The following NAP1L1 variants were observed in gnomAD, a reference collection of about 807,000 sequenced individuals.
NAP1L1 encodes the protein nucleosome assembly protein 1 like 1.
Under a neutral mutation model 58.9 loss-of-function variants are expected in NAP1L1, and 9 were observed. The ratio of observed to expected loss-of-function variants is 0.15; its 90% CI spans 0.09 to 0.27. NAP1L1 has a LOEUF of 0.27. Among genes scored for constraint, NAP1L1 ranks in the 10% least tolerant of loss-of-function variants. NAP1L1 has a pLI of 1.00. For synonymous variants in NAP1L1, 130 were observed against 138.3 expected, an observed-to-expected ratio of 0.94 and a Z score of 0.42; for missense variants, 302 against 458.8, an observed-to-expected ratio of 0.66 and a Z score of 3.12.
chr12:76,060,096 C>T, intron 5 of NAP1L1, 42 bp downstream of exon 5: 1 of 1,579,830 alleles, frequency 6.3e-7, no homozygotes, highest in Non-Finnish European at 8.6e-7. Flanking sequence ...TAGAATTCGT[C>T]TTCTAGAATG....
chr12:76,052,989 A>G, intron 11 of NAP1L1, 102 bp downstream of exon 11: 1 of 1,139,370 alleles, frequency 8.8e-7, no homozygotes, highest in South Asian at 1.5e-5. Context: ...TGTAGGCCTC[A>G]GAACTCAATG....
Position 76,053,268 on chromosome 12 carries a change from C to A in NAP1L1, c.853G>T (p.Val285Phe). The A allele has an allele frequency of 6.2e-7, 1 of 1,614,036 alleles. No individual in the cohort carries two copies. The highest frequency in any genetic ancestry group is 8.5e-7 in the Non-Finnish European group (1 of 1,179,944). ...GAAACTGTTTTAGTCACAGTACGAA[C>A]TGTCCCACGTCCCTTGTGTTTCTGC... ...KKQKHKGRGT[V>F]RTVTKTVSND... Residue 285 changes from valine (V) to phenylalanine (F), a missense_variant, in exon 10 of 15, where the codon GTT becomes TTT. By Grantham distance (50) the Val-to-Phe change is conservative. Coordinates refer to ENST00000618691, the MANE Select transcript of NAP1L1 (RefSeq NM_004537.7).
At chr12:76,073,451 C>G (rs1219514847) in intron 2 of NAP1L1, among the ~76,000 whole-genome samples, 1 of 152,108 alleles carries the variant, frequency 6.6e-6, no homozygotes, top group East Asian at 1.9e-4. Flanking sequence ...TTGATTAAAC[C>G]TATACTTCCC....
At position 76,046,131 on chromosome 12, in the gene NAP1L1, A is replaced by G. The variant is rs1565708594; in HGVS notation, c.*2298T>C. On this transcript the variant is annotated 3_prime_UTR_variant, in exon 15 of 15. Coordinates refer to ENST00000618691, the MANE Select transcript of NAP1L1 (RefSeq NM_004537.7). ...TCTCCACTCTTCAAAAAAAAAGTAT[A>G]TACATTCATTTAAAAAAAAACACCC... 6.6e-6 allele frequency: 1 copy of G among 151,966 alleles called. No homozygotes were observed. Among genetic ancestry groups the G allele is most frequent in the Non-Finnish European group, 1.5e-5 (1 of 67,888 alleles). 9.4% of individuals were successfully genotyped at this position (151,966 alleles called of 1,614,324 possible). A position where few individuals can be genotyped will look rare whatever the true frequency, so the allele number is the denominator to read the frequency against.
rs150017012 is a variant in NAP1L1 at position 76,049,934 on chromosome 12, G to A, written c.1060-149C>T. 81 of 765,672 alleles carry A rather than the reference G, an allele frequency of 1.1e-4. No individual in the cohort carries two copies. The African/African-American group carries it at 1.3e-3, about 12-fold the overall frequency. 47.4% of individuals were successfully genotyped at this position (765,672 alleles called of 1,614,324 possible). On this transcript the variant is annotated intron_variant, in intron 12 of 14. Coordinates refer to ENST00000618691, the MANE Select transcript of NAP1L1 (RefSeq NM_004537.7). ...GGCTGATTATAAATTAAAACACATA[G>A]TAGCTGCAAGAATCACTCTGCTCAC... is the stretch of plus-strand genomic sequence containing the variant.
intron 1 of NAP1L1, among the ~76,000 whole-genome samples, chr12:76,081,513 G>C (rs1695378535): frequency 6.6e-6 from 1 of 152,126 alleles, no homozygotes; most frequent in Admixed American, 6.5e-5. Flanking sequence ...AGGCAAAATC[G>C]CTTGAGGTGA....
chr12:76,053,439 A>C (rs935491052), intron 9 of NAP1L1, 89 bp from the exon 10 acceptor site: 14 of 1,435,746 alleles, frequency 9.8e-6, no homozygotes, highest in Non-Finnish European at 1.1e-5. Context: ...TAGATTTCAA[A>C]TTTTAGAAGG....
In NAP1L1 at chr12:76,048,167, A is replaced by C; in HGVS notation, c.*262T>G. On this transcript the variant is annotated 3_prime_UTR_variant, in exon 15 of 15. Transcript: ENST00000618691. ...TTCATAGCTGTACTCCAAGAGCTAC[A>C]TAAAAATATTCCAGAAGAACCAAAT... 4.6e-6 allele frequency: 2 copies of C among 433,998 alleles called. No individual in the cohort carries two copies. Among genetic ancestry groups the C allele is most frequent in the East Asian group, 3.5e-5 (1 of 28,712 alleles). 26.9% of individuals were successfully genotyped at this position (433,998 alleles called of 1,614,324 possible). A position where few individuals can be genotyped will look rare whatever the true frequency, so the allele number is the denominator to read the frequency against.
At chr12:76,062,630 A>T (rs1488063336) in intron 4 of NAP1L1, among the ~76,000 whole-genome samples, 1 of 152,236 alleles carries the variant, frequency 6.6e-6, no homozygotes, top group African/African-American at 2.4e-5. Flanking sequence ...ATAGGCAACA[A>T]ATAAGAGAAA....
At chr12:76,065,116 T>C (rs1949602315) in intron 4 of NAP1L1, among the ~76,000 whole-genome samples, 1 of 152,102 alleles carries the variant, frequency 6.6e-6, no homozygotes, top group South Asian at 2.1e-4. Flanking sequence ...TAACACATCA[T>C]GATTCAATTT....
At chr12:76,079,342 A>C (rs1190364609) in intron 1 of NAP1L1, among the ~76,000 whole-genome samples, 1 of 152,146 alleles carries the variant, frequency 6.6e-6, no homozygotes, top group Non-Finnish European at 1.5e-5. Context: ...CCTGGGCAAC[A>C]CAGATCATCT....
At position 76,045,763 on chromosome 12, in the gene NAP1L1, G is replaced by A. The variant is rs1028029317; in HGVS notation, c.*2666C>T. ...AATTTGTGGAACACTTACCCTACTT[G>A]AGTGACCATAAAGCAAACAACTCTA... is the stretch of plus-strand genomic sequence containing the variant. On this transcript the variant is annotated 3_prime_UTR_variant, in exon 15 of 15. Transcript: ENST00000618691. 2 of 151,950 alleles carry A rather than the reference G, an allele frequency of 1.3e-5. No individual in the cohort carries two copies. The highest frequency in any genetic ancestry group is 2.9e-5 in the Non-Finnish European group (2 of 67,888). The allele number at this position is 151,950 out of a possible 1,614,324, so 9.4% of individuals were successfully genotyped here.
intron 4 of NAP1L1, among the ~76,000 whole-genome samples, chr12:76,061,361 G>T (rs527437999): frequency 1.4e-4 from 21 of 152,126 alleles, no homozygotes; most frequent in Admixed American, 1.2e-3. Flanking sequence ...GCTCCTACTG[G>T]TAAGTAAGAA....
chr12:76,072,446 A>G (rs1949999367), intron 2 of NAP1L1, among the ~76,000 whole-genome samples: 1 of 152,206 alleles, frequency 6.6e-6, no homozygotes, highest in Admixed American at 6.5e-5. Context: ...AAATAGGACA[A>G]AAGGTCATGA....
chr12:76,066,480 A>ATT (rs1949678602), intron 4 of NAP1L1, among the ~76,000 whole-genome samples: 3 of 152,166 alleles, frequency 2.0e-5, no homozygotes, highest in Non-Finnish European at 4.4e-5. Context: ...CATTAAAAAA[A>ATT]AGTTGCAATC....
chr12:76,050,381 A>C, intron 12 of NAP1L1, 150 bp downstream of exon 12: 1 of 890,250 alleles, frequency 1.1e-6, no homozygotes, highest in Non-Finnish European at 1.6e-6. Context: ...CATACTTAAA[A>C]CCCAGAAAAG....
chr12:76,080,230 T>A (rs902419903), intron 1 of NAP1L1, among the ~76,000 whole-genome samples: 2 of 152,226 alleles, frequency 1.3e-5, no homozygotes, highest in African/African-American at 4.8e-5. Context: ...AATTCATTAT[T>A]CATGTTTGTG....
At chr12:76,053,166 T>C in intron 10 of NAP1L1, 39 bp downstream of exon 10, 1 of 1,612,350 alleles carries the variant, frequency 6.2e-7, no homozygotes, top group Non-Finnish European at 8.5e-7. Flanking sequence ...ATGCTTTTTA[T>C]AAAACAACCG....
chr12:76,057,690 T>C, intron 6 of NAP1L1: 3 of 1,506,788 alleles, frequency 2.0e-6, no homozygotes, highest in Non-Finnish European at 2.7e-6. Context: ...CTGATGTTGC[T>C]AAATGTAGAC....
Sources: allele counts gnomAD v4.1 joint callset (sites outside exome capture counted in the v4.1 genomes callset), GRCh38; gene constraint gnomAD v4.1.1; transcripts MANE v1.5; gene names NCBI Gene and HGNC (gene_info 2026-07-23, HGNC 2026-07-21).